RBFOX1: variants seen among roughly 807,000 people sequenced by gnomAD.
RBFOX1 encodes RNA binding fox-1 homolog 1.
A neutral mutation model predicts 57.7 loss-of-function variants in RBFOX1; 8 were observed. The ratio of observed to expected loss-of-function variants is 0.14; its 90% CI spans 0.08 to 0.25. RBFOX1 has a LOEUF of 0.25. Ranked by LOEUF, RBFOX1 falls within the 10% of genes least tolerant of loss-of-function variation. The probability of loss-of-function intolerance (pLI) is 1.00; values close to 1 mark genes in which losing one functional copy is unlikely to be tolerated. For missense variants in RBFOX1, 611 were observed against 548.5 expected (o/e 1.11, Z -1.14); for synonymous variants, 326 against 222.4 (o/e 1.47, Z -4.15).
intron 14 of RBFOX1, among the ~76,000 whole-genome samples, chr16:7,689,443 G>C (rs765011336): frequency 6.6e-6 from 1 of 152,100 alleles, no homozygotes; most frequent in African/African-American, 2.4e-5. Context: ...AGCAGAATCT[G>C]CTACCTACAG....
chr16:5,759,465 A>G (rs1011341356), intron 3 of RBFOX1, among the ~76,000 whole-genome samples: 3 of 152,262 alleles, frequency 2.0e-5, no homozygotes, highest in Non-Finnish European at 4.4e-5. Flanking sequence ...AATGCCACGC[A>G]GCTGTATCAG....
chr16:7,294,306 C>G lies in RBFOX1; in HGVS notation c.28-223841C>G, dbSNP rs117669508. ...CTCCCACCCTCTCAACTGCCAAACGCTGCACCTTGTCTTTGCTTCACCTCC... is the reference window on the plus strand; with the variant it reads ...CTCCCACCCTCTCAACTGCCAAACGGTGCACCTTGTCTTTGCTTCACCTCC... On this transcript the variant is annotated intron_variant, in intron 4 of 15. Coordinates refer to ENST00000550418, the MANE Select transcript of RBFOX1 (RefSeq NM_018723.4). Among the ~76,000 whole-genome samples the G allele has an allele frequency of 6.6e-4, 101 of 152,272 alleles. No homozygotes were observed. The East Asian group carries it at 0.015, about 22-fold the overall frequency.
At chr16:6,829,639 T>C (rs1022226503) in intron 3 of RBFOX1, among the ~76,000 whole-genome samples, 3 of 152,176 alleles carry the variant, frequency 2.0e-5, no homozygotes, top group African/African-American at 7.2e-5. Flanking sequence ...TCTCGCTCTG[T>C]CACCCATACG....
intron 4 of RBFOX1, among the ~76,000 whole-genome samples, chr16:7,149,063 TTTC>T (rs750131807): frequency 2.6e-5 from 4 of 152,308 alleles, no homozygotes; most frequent in Middle Eastern, 3.4e-3. Flanking sequence ...TTGTTCTTTT[TTTC>T]TAAAACATTT....
At chr16:5,447,088 T>C (rs1364540678) in intron 1 of RBFOX1, among the ~76,000 whole-genome samples, 1 of 152,096 alleles carries the variant, frequency 6.6e-6, no homozygotes, top group Non-Finnish European at 1.5e-5. Flanking sequence ...AAAGAGGTAA[T>C]GCTGTGACTA....
chr16:7,200,598 C>G (rs189185482), intron 4 of RBFOX1, among the ~76,000 whole-genome samples: 3 of 152,186 alleles, frequency 2.0e-5, no homozygotes, highest in Admixed American at 6.5e-5. Flanking sequence ...AAACTGCCAG[C>G]TGTCTACCCA....
In RBFOX1 at chr16:5,288,852, C is replaced by T. The variant is rs575918709; in HGVS notation, c.219+48747C>T. 1.1e-3 allele frequency among the ~76,000 whole-genome samples: 168 copies of T among 150,082 alleles called. 1 individual carries two copies. The highest frequency in any genetic ancestry group is 3.6e-3 in the African/African-American group (149 of 40,974). On this transcript the variant is annotated intron_variant, in intron 1 of 2. Coordinates refer to the RBFOX1 transcript ENST00000585867. ...AACCATAAAACTCATATAGGCTGGG[C>T]GCAGTGGCTCACACCTGTAATCCCA...
At chr16:6,030,865 G>A (rs898559535) in intron 1 of RBFOX1, among the ~76,000 whole-genome samples, 7 of 152,044 alleles carry the variant, frequency 4.6e-5, no homozygotes, top group Admixed American at 2.6e-4. Context: ...CATGCATTCA[G>A]CAAACATTTT....
intron 2 of RBFOX1, among the ~76,000 whole-genome samples, chr16:6,343,447 A>T (rs902042689): frequency 1.3e-5 from 2 of 152,230 alleles, no homozygotes; most frequent in East Asian, 1.9e-4. Context: ...TACATTGAAG[A>T]ACTGAAGTGA....
intron 1 of RBFOX1, among the ~76,000 whole-genome samples, chr16:5,310,931 T>C (rs1006237751): frequency 2.0e-5 from 3 of 152,204 alleles, no homozygotes; most frequent in Admixed American, 1.3e-4. Flanking sequence ...GAGATTTTAG[T>C]GCACCTATCA....
intron 1 of RBFOX1, among the ~76,000 whole-genome samples, chr16:5,420,219 A>G (rs1038247185): frequency 1.3e-5 from 2 of 152,222 alleles, no homozygotes; most frequent in Admixed American, 6.5e-5. Context: ...AGATTTAAAC[A>G]AACAAGGTGG....
At chr16:6,913,955 T>C (rs77986938) in intron 3 of RBFOX1, among the ~76,000 whole-genome samples, 31,813 of 152,196 alleles carry the variant, frequency 0.21, 3,629 homozygotes, top group Non-Finnish European at 0.26. Flanking sequence ...TAATTATGGA[T>C]GATTTATACT....
intron 2 of RBFOX1, among the ~76,000 whole-genome samples, chr16:6,454,024 G>A (rs1274925508): frequency 2.6e-5 from 4 of 152,190 alleles, no homozygotes; most frequent in Admixed American, 6.5e-5. Context: ...GTAGATGGCC[G>A]TCTTCTCTCT....
At chr16:5,873,188 C>A (rs894327373) in intron 4 of RBFOX1, among the ~76,000 whole-genome samples, 1 of 152,004 alleles carries the variant, frequency 6.6e-6, no homozygotes, top group Non-Finnish European at 1.5e-5. Flanking sequence ...ACAACAACAA[C>A]AAAACAATAA....
At chr16:6,217,205 T>G in intron 1 of RBFOX1, among the ~76,000 whole-genome samples, 1 of 137,536 alleles carries the variant, frequency 7.3e-6, no homozygotes. Context: ...AGAATTCGTC[T>G]GAATCTAGAA....
rs528822781 is a variant in RBFOX1 at position 5,854,952 on chromosome 16, G to A, written c.319-12351G>A. ...TGAGGTGATACCTCATTGTGGTTTTGATTTGCATTGCCCCAATAATTAGTC... is the reference window on the plus strand; with the variant it reads ...TGAGGTGATACCTCATTGTGGTTTTAATTTGCATTGCCCCAATAATTAGTC... On this transcript the variant is annotated intron_variant, in intron 3 of 19. Transcript: ENST00000641259. Among the ~76,000 whole-genome samples the A allele has an allele frequency of 3.3e-5, 5 of 152,224 alleles. No individual in the cohort carries two copies. The South Asian group carries it at 6.2e-4, about 19-fold the overall frequency.
chr16:7,084,347 GAAAA>G (rs923843681), intron 4 of RBFOX1, among the ~76,000 whole-genome samples: 7 of 151,780 alleles, frequency 4.6e-5, no homozygotes, highest in Admixed American at 3.9e-4. Context: ...AGGGAAGAAA[GAAAA>G]AAATGTGGAT....
chr16:6,524,072 G>T (rs537978935), intron 2 of RBFOX1, among the ~76,000 whole-genome samples: 98 of 152,190 alleles, frequency 6.4e-4, no homozygotes, highest in South Asian at 1.9e-3. Context: ...TCACCCTGTT[G>T]TGCTATCAAA....
intron 3 of RBFOX1, among the ~76,000 whole-genome samples, chr16:7,003,146 A>G (rs1208801483): frequency 1.3e-5 from 2 of 152,148 alleles, no homozygotes; most frequent in African/African-American, 4.8e-5. Context: ...AGAATGAAAG[A>G]TGCTAGACAG....
Sources: gnomAD v4.1 joint callset for allele counts (sites outside exome capture counted in the v4.1 genomes callset) on GRCh38, gnomAD v4.1.1 for gene constraint, MANE v1.5 for transcripts, NCBI Gene and HGNC (gene_info 2026-07-23, HGNC 2026-07-21) for gene names.